ASIC2: variants seen among roughly 807,000 people sequenced by gnomAD.
ASIC2 encodes acid-sensing ion channel 2.
ASIC2 carries 25 observed loss-of-function variants against 57.3 expected under a neutral mutation model. That is an observed-to-expected ratio of 0.44 (90% CI 0.32 to 0.61). ASIC2 has a LOEUF of 0.61. Ranked by LOEUF, ASIC2 falls within the 20% of genes least tolerant of loss-of-function variation. ASIC2 has a pLI of 0.06. For missense variants in ASIC2, 641 were observed against 738.1 expected, an observed-to-expected ratio of 0.87 and a Z score of 1.52; for synonymous variants, 319 against 307.5, an observed-to-expected ratio of 1.04 and a Z score of -0.39.
In ASIC2 at chr17:34,007,287, G is replaced by C. The variant is rs546627641; in HGVS notation, c.555+148691C>G. On this transcript the variant is annotated intron_variant, in intron 1 of 9. Transcript: ENST00000359872. ...ATTGGAGGATGTGCCCCGTCAGGGA[G>C]CCTTTGAACTCATCTTCTGCCAAAG... Among the ~76,000 whole-genome samples the C allele has an allele frequency of 2.0e-5, 3 of 152,292 alleles. No individual in the cohort carries two copies. In the South Asian group the frequency reaches 6.2e-4, roughly 32 times the overall value.
intron 1 of ASIC2, among the ~76,000 whole-genome samples, chr17:33,207,230 A>T (rs900344880): frequency 9.9e-5 from 15 of 152,248 alleles, no homozygotes; most frequent in Middle Eastern, 3.2e-3. Flanking sequence ...ACGGCGCTTT[A>T]TCCTAGCGCT....
At chr17:33,246,662 A>G (rs1597649402) in intron 1 of ASIC2, among the ~76,000 whole-genome samples, 1 of 152,246 alleles carries the variant, frequency 6.6e-6, no homozygotes, top group Admixed American at 6.5e-5. Flanking sequence ...CAAGGCTGAT[A>G]AAAACAATTG....
intron 2 of ASIC2, among the ~76,000 whole-genome samples, chr17:33,102,391 A>T (rs1383377084): frequency 6.6e-6 from 1 of 152,142 alleles, no homozygotes; most frequent in Non-Finnish European, 1.5e-5. Flanking sequence ...CTCTCCAGAA[A>T]CTTTAAAGAT....
Position 33,024,010 on chromosome 17 carries a change from C to T in ASIC2, c.1200G>A (p.Leu400=), listed in dbSNP as rs199991143. 1.6e-5 allele frequency: 26 copies of T among 1,613,990 alleles called. No homozygotes were observed. Among genetic ancestry groups the T allele is most frequent in the South Asian group, 6.6e-5 (6 of 91,060 alleles). The change falls in exon 6 of 10, where the codon CTG becomes CTA. Residue 400 remains leucine (L), a synonymous_variant. Coordinates refer to ENST00000225823, the MANE Select transcript of ASIC2 (RefSeq NM_183377.2). ...HKECAEPALG[L]LAEKDSNYCL... ...AGTAATTGCTGTCCTTTTCCGCCAACAGACCTGGAGGGGAGAGTGAGGTGG... is the reference window on the plus strand; with the variant it reads ...AGTAATTGCTGTCCTTTTCCGCCAATAGACCTGGAGGGGAGAGTGAGGTGG...
chr17:33,482,477 G>A (rs1913438354), intron 1 of ASIC2, among the ~76,000 whole-genome samples: 1 of 152,190 alleles, frequency 6.6e-6, no homozygotes, highest in African/African-American at 2.4e-5. Context: ...CCCCTATCTT[G>A]TGCCAATTCC....
chr17:33,239,875 G>A (rs1175207531), intron 1 of ASIC2, among the ~76,000 whole-genome samples: 2 of 152,170 alleles, frequency 1.3e-5, no homozygotes, highest in Admixed American at 6.5e-5. Flanking sequence ...GTTCTTAAAT[G>A]TTCCTTCCTC....
At chr17:33,357,614 T>C (rs1254649073) in intron 1 of ASIC2, among the ~76,000 whole-genome samples, 1 of 152,140 alleles carries the variant, frequency 6.6e-6, no homozygotes, top group East Asian at 1.9e-4. Context: ...GTGGGAGTGA[T>C]GAGTTCTTCC....
rs150536470 is a variant in ASIC2, at chr17:33,610,035, T to G, written c.556-497968A>C. 7.3e-3 allele frequency among the ~76,000 whole-genome samples: 1,065 copies of G among 145,874 alleles called. 18 individuals carry two copies. Among genetic ancestry groups the G allele is most frequent in the African/African-American group, 0.026 (972 of 37,946 alleles). On this transcript the variant is annotated intron_variant, in intron 1 of 9. Coordinates refer to the ASIC2 transcript ENST00000359872. ...TTGTGCACCCACCATCTCTCTTCAC[T>G]GGGACCCTGGACAGAGGCGCACACA...
intron 1 of ASIC2, among the ~76,000 whole-genome samples, chr17:33,902,329 C>G (rs995780203): frequency 1.3e-5 from 2 of 152,224 alleles, no homozygotes; most frequent in African/African-American, 2.4e-5. Flanking sequence ...CCTTAACCAA[C>G]AGAGCACCTA....
At chr17:33,861,505 C>T (rs1326087742) in intron 1 of ASIC2, among the ~76,000 whole-genome samples, 2 of 152,148 alleles carry the variant, frequency 1.3e-5, no homozygotes, top group African/African-American at 2.4e-5. Flanking sequence ...GAGGTTTACG[C>T]ATCTAATAAC....
chr17:33,338,589 A>T (rs1330252729), intron 1 of ASIC2, among the ~76,000 whole-genome samples: 2 of 152,234 alleles, frequency 1.3e-5, no homozygotes, highest in African/African-American at 2.4e-5. Context: ...TACAGCGTGC[A>T]TTCTCAGCAG....
At chr17:33,676,401 A>G (rs1300957816) in intron 1 of ASIC2, among the ~76,000 whole-genome samples, 1 of 152,250 alleles carries the variant, frequency 6.6e-6, no homozygotes, top group Non-Finnish European at 1.5e-5. Context: ...CTAAATAGCC[A>G]AATTGTGAAT....
chr17:33,542,304 C>A (rs1839194378), intron 1 of ASIC2, among the ~76,000 whole-genome samples: 1 of 146,838 alleles, frequency 6.8e-6, no homozygotes, highest in Admixed American at 6.8e-5. Flanking sequence ...AGTTCTAGAT[C>A]CCTGAGGAAT....
chr17:33,862,773 G>A (rs971597428), intron 1 of ASIC2, among the ~76,000 whole-genome samples: 1 of 152,188 alleles, frequency 6.6e-6, no homozygotes, highest in Admixed American at 6.5e-5. Context: ...ACAACTCAGA[G>A]AAGATGCCAT....
chr17:33,211,267 G>A (rs571447804), intron 1 of ASIC2, among the ~76,000 whole-genome samples: 1 of 152,240 alleles, frequency 6.6e-6, no homozygotes, highest in Admixed American at 6.5e-5. Flanking sequence ...GACCCAGCTT[G>A]CATAAGCTCA....
intron 1 of ASIC2, among the ~76,000 whole-genome samples, chr17:34,099,771 AAAGAAAGAAAGAAAGAAAGAAAGAAAG>A (rs1567821758): frequency 2.3e-5 from 1 of 43,160 alleles, no homozygotes; most frequent in Non-Finnish European, 5.1e-5. Flanking sequence ...AGAAAGAAAG[AAAGAAAGAAAGAAAGAAAGAAAGAAAG>A]AAAGAAAAGA....
chr17:33,525,720 T>C (rs545741225), intron 1 of ASIC2, among the ~76,000 whole-genome samples: 20 of 152,330 alleles, frequency 1.3e-4, no homozygotes, highest in African/African-American at 4.8e-4. Flanking sequence ...CCCTTATTAT[T>C]TATGTATCTT....
At chr17:33,393,771 TC>T (rs1451995659) in intron 1 of ASIC2, among the ~76,000 whole-genome samples, 17 of 152,100 alleles carry the variant, frequency 1.1e-4, no homozygotes, top group African/African-American at 4.1e-4. Flanking sequence ...CACAATGCCA[TC>T]CTGCACCAAG....
At chr17:33,129,671 GGCAGAT>G (rs1206394785) in intron 1 of ASIC2, among the ~76,000 whole-genome samples, 1 of 152,152 alleles carries the variant, frequency 6.6e-6, no homozygotes, top group African/African-American at 2.4e-5. Context: ...GACCCTGTAT[GGCAGAT>G]GCATCTGAAT....
Sources: allele counts gnomAD v4.1 joint callset (sites outside exome capture counted in the v4.1 genomes callset), GRCh38; gene constraint gnomAD v4.1.1; transcripts MANE v1.5; gene names NCBI Gene and HGNC (gene_info 2026-07-23, HGNC 2026-07-21).